The following ATE1 variants were observed in gnomAD, a reference collection of about 807,000 sequenced individuals.
ATE1 encodes arginyltransferase 1, also known as arginyl-tRNA--protein transferase 1.
In ATE1, 36 loss-of-function variants were observed where a neutral mutation model predicts 70.5. The observed-to-expected ratio is 0.51, with a 90% CI of 0.39 to 0.67. The LOEUF (loss-of-function observed/expected upper bound fraction) is 0.67. ATE1 is among the 30% of genes least tolerant of loss of function. The pLI is 0.00. For missense variants in ATE1, 593 were observed against 629.5 expected, an observed-to-expected ratio of 0.94 and a Z score of 0.62; for synonymous variants, 232 against 219.3, an observed-to-expected ratio of 1.06 and a Z score of -0.51.
At chr10:121,787,689 T>C (rs1432979168) in intron 11 of ATE1, among the ~76,000 whole-genome samples, 1 of 152,202 alleles carries the variant, frequency 6.6e-6, no homozygotes, top group Non-Finnish European at 1.5e-5. Flanking sequence ...GAAAAGAACA[T>C]ACAATATATT....
At chr10:121,928,303 CG>C, upstream of ATE1, 1 of 1,503,374 alleles carries the variant, frequency 6.7e-7, no homozygotes, top group Non-Finnish European at 8.9e-7. Context: ...AGGGCCTGTG[CG>C]GGGCGCGGCG....
chr10:121,829,887 A>G (rs1948170253), intron 10 of ATE1, among the ~76,000 whole-genome samples: 1 of 152,204 alleles, frequency 6.6e-6, no homozygotes, highest in South Asian at 2.1e-4. Flanking sequence ...AAAAAATATA[A>G]TTTTAACTAT....
intron 7 of ATE1, among the ~76,000 whole-genome samples, chr10:121,897,766 C>T (rs1315993373): frequency 2.0e-5 from 3 of 148,686 alleles, no homozygotes; most frequent in Non-Finnish European, 4.4e-5. Context: ...GTGGAGGTTG[C>T]AGTGAGCAGA....
chr10:121,889,403 G>A (rs1950510522), intron 7 of ATE1, among the ~76,000 whole-genome samples: 1 of 151,710 alleles, frequency 6.6e-6, no homozygotes. Context: ...AATCAAAAAA[G>A]ATTACAGAAA....
At chr10:121,928,311 G>T (rs1319103307), upstream of ATE1, 1 of 1,509,574 alleles carries the variant, frequency 6.6e-7, no homozygotes, top group Non-Finnish European at 8.9e-7. Flanking sequence ...TGCGGGGCGC[G>T]GCGGCCGCGC....
Position 121,743,509 on chromosome 10 carries a change from G to A in ATE1, c.*171C>T. The stretch of plus-strand genomic sequence containing the variant: ...GTTTTAAAATCTTTATATTAACTAT[G>A]AGATTCTCACAGATACATTGCCACA... On this transcript the variant is annotated 3_prime_UTR_variant, in exon 12 of 12. Transcript: ENST00000224652. 2 of 1,251,032 alleles carry A rather than the reference G, an allele frequency of 1.6e-6. No individual in the cohort carries two copies. The highest frequency in any genetic ancestry group is 2.0e-6 in the Non-Finnish European group (2 of 982,194). The allele number at this position is 1,251,032 out of a possible 1,614,324, so 77.5% of individuals were successfully genotyped here.
chr10:121,772,157 G>A (rs1945545618), intron 11 of ATE1, among the ~76,000 whole-genome samples: 2 of 152,246 alleles, frequency 1.3e-5, no homozygotes, highest in South Asian at 4.1e-4. Context: ...AGGATATAGC[G>A]CCAAACTGGC....
Position 121,928,008 on chromosome 10 carries a change from C to G in ATE1, c.-59G>C. On this transcript the variant is annotated 5_prime_UTR_variant, in exon 1 of 12. Coordinates refer to ENST00000224652, the MANE Select transcript of ATE1 (RefSeq NM_001001976.3). ...CCCGCGTCGCTAGCGCGGCCGCCGCCGCCACCCCACAATGCAGCGCGCCGC... is the reference window on the plus strand; with the variant it reads ...CCCGCGTCGCTAGCGCGGCCGCCGCGGCCACCCCACAATGCAGCGCGCCGC... 1 of 1,387,596 alleles carries G rather than the reference C, an allele frequency of 7.2e-7. No homozygotes were observed. Among genetic ancestry groups the G allele is most frequent in the Non-Finnish European group, 9.4e-7 (1 of 1,067,912 alleles). 86.0% of individuals were successfully genotyped at this position (1,387,596 alleles called of 1,614,324 possible).
intron 8 of ATE1, among the ~76,000 whole-genome samples, chr10:121,843,997 A>T (rs1948723713): frequency 6.6e-6 from 1 of 152,258 alleles, no homozygotes. Flanking sequence ...AACTCAAGTC[A>T]CAGACTGGGA....
chr10:121,900,196 A>G (rs1422568868), intron 6 of ATE1, among the ~76,000 whole-genome samples: 1 of 152,218 alleles, frequency 6.6e-6, no homozygotes, highest in East Asian at 1.9e-4. Flanking sequence ...TAAGAAGAGG[A>G]CGATCCCCTC....
chr10:121,823,467 C>G (rs946446642), intron 10 of ATE1, among the ~76,000 whole-genome samples: 3 of 152,162 alleles, frequency 2.0e-5, no homozygotes, highest in African/African-American at 7.2e-5. Context: ...AAAAGCAGTT[C>G]GTACTTCTAC....
chr10:121,826,669 G>T (rs1351698117), intron 10 of ATE1, among the ~76,000 whole-genome samples: 1 of 152,176 alleles, frequency 6.6e-6, no homozygotes, highest in Non-Finnish European at 1.5e-5. Flanking sequence ...TGTTACAAAG[G>T]TGTATCGTGT....
intron 11 of ATE1, among the ~76,000 whole-genome samples, chr10:121,748,887 G>A (rs919426929): frequency 3.3e-5 from 5 of 152,088 alleles, no homozygotes; most frequent in Non-Finnish European, 7.4e-5. Context: ...TTTAGTCTTA[G>A]TGTTCAAATC....
At chr10:121,852,125 A>T (rs150527174) in intron 8 of ATE1, among the ~76,000 whole-genome samples, 1 of 152,224 alleles carries the variant, frequency 6.6e-6, no homozygotes, top group Admixed American at 6.5e-5. Flanking sequence ...TCAGGCCAGT[A>T]TTTGAGGGGA....
intron 5 of ATE1, among the ~76,000 whole-genome samples, chr10:121,905,603 A>G (rs1401520794): frequency 6.6e-6 from 1 of 152,176 alleles, no homozygotes; most frequent in Non-Finnish European, 1.5e-5. Flanking sequence ...GCACTTTGGA[A>G]GGCCGAGACG....
chr10:121,884,105 CAAAAAAAAAAA>C (rs56040116), intron 7 of ATE1, among the ~76,000 whole-genome samples: 1 of 43,428 alleles, frequency 2.3e-5, no homozygotes, highest in South Asian at 1.8e-3. Flanking sequence ...GACCCAGACT[CAAAAAAAAAAA>C]AAAAAAAAAA....
chr10:121,853,807 G>A (rs986231172), intron 8 of ATE1, among the ~76,000 whole-genome samples: 1 of 152,144 alleles, frequency 6.6e-6, no homozygotes, highest in South Asian at 2.1e-4. Flanking sequence ...AGTTCTCGAG[G>A]CTGAGAAGTA....
intron 6 of ATE1, among the ~76,000 whole-genome samples, chr10:121,900,749 T>G (rs775947914): frequency 6.6e-6 from 1 of 152,218 alleles, no homozygotes; most frequent in Non-Finnish European, 1.5e-5. Flanking sequence ...CACCCAGTGG[T>G]AAAAGATCTC....
At chr10:121,858,273 C>A (rs953583749) in intron 8 of ATE1, among the ~76,000 whole-genome samples, 28 of 152,118 alleles carry the variant, frequency 1.8e-4, no homozygotes, top group African/African-American at 6.8e-4. Context: ...TGCAGCTGTA[C>A]CATTTCATGT....
Sources: gnomAD v4.1 joint callset for allele counts (sites outside exome capture counted in the v4.1 genomes callset) on GRCh38, gnomAD v4.1.1 for gene constraint, MANE v1.5 for transcripts, NCBI Gene and HGNC (gene_info 2026-07-23, HGNC 2026-07-21) for gene names.